The following CRLF2 variants were observed in gnomAD, a reference collection of about 807,000 sequenced individuals.
CRLF2 encodes cytokine receptor like factor 2, also known as cytokine receptor-like factor 2.
Under a neutral mutation model 38.7 loss-of-function variants are expected in CRLF2, and 41 were observed. That is an observed-to-expected ratio of 1.06 (90% confidence interval 0.83 to 1.37). The LOEUF (loss-of-function observed/expected upper bound fraction) is 1.37. CRLF2 is among the 40% of genes most tolerant of loss of function. The probability of loss-of-function intolerance (pLI) is 0.00; values close to 1 mark genes in which losing one functional copy is unlikely to be tolerated. For missense variants in CRLF2, 377 were observed against 322.2 expected, an observed-to-expected ratio of 1.17 and a Z score of -1.30; for synonymous variants, 140 against 128.8, an observed-to-expected ratio of 1.09 and a Z score of -0.59.
chrX:1,200,795 A>T (rs2086591886), intron 4 of CRLF2, among the ~76,000 whole-genome samples: 2 of 151,980 alleles, frequency 1.3e-5, no homozygotes, highest in Admixed American at 1.3e-4. Context: ...ATGTGTGTAT[A>T]TGCATGTGTA....
chrX:1,192,171 C>G (rs1216479838), intron 7 of CRLF2, among the ~76,000 whole-genome samples: 9,275 of 139,448 alleles, frequency 0.067, 386 homozygotes, highest in Middle Eastern at 0.22. Context: ...CGCCACTGCA[C>G]TCCAGCCTGG....
At chrX:1,203,022 G>A (rs1222041796) in intron 3 of CRLF2, among the ~76,000 whole-genome samples, 2 of 146,158 alleles carry the variant, frequency 1.4e-5, no homozygotes, top group South Asian at 2.2e-4. Context: ...CGCTTGAACC[G>A]GGGAGGCGGA....
At position 1,194,369 on chromosome X, in the gene CRLF2, G is replaced by A. The variant is rs1418603922; in HGVS notation, c.768-1067C>T. Among the ~76,000 whole-genome samples, 95 of 152,232 alleles carry A rather than the reference G, an allele frequency of 6.2e-4. 1 individual carries two copies. The highest frequency in any genetic ancestry group is 1.2e-3 in the Non-Finnish European group (83 of 68,018). The stretch of plus-strand genomic sequence containing the variant: ...CCCAGCTGCTTGGGAGGCTAAGGCA[G>A]GAGAATCGCTTGAGCCTGGGAGGTG... On this transcript the variant is annotated intron_variant, in intron 6 of 7. Coordinates refer to ENST00000400841, the MANE Select transcript of CRLF2 (RefSeq NM_022148.4).
intron 1 of CRLF2, among the ~76,000 whole-genome samples, chrX:1,210,272 A>G (rs1341964740): frequency 1.3e-5 from 2 of 152,092 alleles, no homozygotes; most frequent in African/African-American, 4.8e-5. Flanking sequence ...ATATTTTAGA[A>G]TTGAGCAAAC....
chrX:1,194,886 G>T (rs1281143900), intron 6 of CRLF2, among the ~76,000 whole-genome samples: 1 of 151,946 alleles, frequency 6.6e-6, no homozygotes, highest in Non-Finnish European at 1.5e-5. Flanking sequence ...ACAAAAATTA[G>T]CCAGGTGTGG....
rs1421018420 is a variant in CRLF2, at chrX:1,190,870, A to C, written c.*27T>G. 5.0e-6 allele frequency: 2 copies of C among 398,632 alleles called. No homozygotes were observed. Among genetic ancestry groups the C allele is most frequent in the East Asian group, 7.1e-5 (2 of 28,072 alleles). 24.7% of individuals were successfully genotyped at this position (398,632 alleles called of 1,614,324 possible). On this transcript the variant is annotated 3_prime_UTR_variant, in exon 8 of 8. Coordinates refer to ENST00000400841, the MANE Select transcript of CRLF2 (RefSeq NM_022148.4). Reference sequence around the variant, plus strand: ...TCTTTAAATGTCAACGTGGATCCTGACGTTGACTTTGACAGTGGTGTGTCC... The same window carrying C: ...TCTTTAAATGTCAACGTGGATCCTGCCGTTGACTTTGACAGTGGTGTGTCC...
Position 1,206,557 on chromosome X carries a change from A to G in CRLF2, c.225T>C (p.Leu75=). 4 of 1,613,596 alleles carry G rather than the reference A, an allele frequency of 2.5e-6. No homozygotes were observed. The highest frequency in any genetic ancestry group is 3.4e-6 in the Non-Finnish European group (4 of 1,179,610). The change falls in exon 3 of 8, where the codon CTT becomes CTC. Residue 75 remains leucine (L), a synonymous_variant. Transcript: ENST00000400841. The part of the protein sequence containing the change: ...DEAYDQCTNY[L]LQEGHTSGCL... ...ACCCCGAAGTGTGACCTTCCTGGAG[A>G]AGGTAGTTGGTGCACTGGTCATAGG...
intron 3 of CRLF2, among the ~76,000 whole-genome samples, chrX:1,205,057 C>T (rs2086668359): frequency 1.3e-5 from 2 of 152,118 alleles, no homozygotes; most frequent in African/African-American, 2.4e-5. Context: ...GAACTCCAGA[C>T]CTCAAGTGAT....
At chrX:1,192,971 G>T (rs1197639075) in intron 7 of CRLF2, among the ~76,000 whole-genome samples, 1 of 151,246 alleles carries the variant, frequency 6.6e-6, no homozygotes, top group East Asian at 2.0e-4. Context: ...GAGCCAGCAC[G>T]CCCGGCTAAT....
At position 1,211,553 on chromosome X, in the gene CRLF2, GTGGA is replaced by G. The variant is rs1256981884; in HGVS notation, c.79+999_79+1002del. ...GATGGATGTATTGGTGGATGGATGG[GTGGA>G]TGGATGGATGGATGGATAAGTGGAT... On this transcript the variant is annotated intron_variant, in intron 1 of 7. Coordinates refer to ENST00000400841, the MANE Select transcript of CRLF2 (RefSeq NM_022148.4). 1.8e-4 allele frequency among the ~76,000 whole-genome samples: 8 copies of G among 45,574 alleles called. 1 individual carries two copies. The highest frequency in any genetic ancestry group is 2.9e-4 in the African/African-American group (2 of 6,858). The allele number at this position is 45,574 out of a possible 152,430, so 29.9% of individuals were successfully genotyped here. A position where few individuals can be genotyped will look rare whatever the true frequency, so the allele number is the denominator to read the frequency against.
chrX:1,192,674 T>G (rs1259989238), intron 7 of CRLF2, among the ~76,000 whole-genome samples: 1 of 151,502 alleles, frequency 6.6e-6, no homozygotes, highest in African/African-American at 2.4e-5. Flanking sequence ...TTTTTCTTTC[T>G]CTTTCTTTTT....
intron 6 of CRLF2, among the ~76,000 whole-genome samples, chrX:1,194,176 G>C (rs1194177944): frequency 6.6e-6 from 1 of 152,048 alleles, no homozygotes; most frequent in Non-Finnish European, 1.5e-5. Context: ...TGTAGTCCCA[G>C]CTACTTGGGA....
At chrX:1,197,255 GC>G (rs1401295536) in intron 5 of CRLF2, among the ~76,000 whole-genome samples, 1 of 150,722 alleles carries the variant, frequency 6.6e-6, no homozygotes, top group African/African-American at 2.4e-5. Context: ...ACCACACCGG[GC>G]TAATTTTTGT....
chrX:1,193,143 CAG>C (rs1402188283), intron 7 of CRLF2, 73 bp downstream of exon 7: 2 of 397,628 alleles, frequency 5.0e-6, no homozygotes, highest in Non-Finnish European at 4.4e-6. Context: ...AGGTCGCGCT[CAG>C]AGAGATAGGA....
Position 1,191,020 on chromosome X carries a change from G to A in CRLF2, c.993C>T (p.Thr331=), listed in dbSNP as rs1283168447. The change falls in exon 8 of 8, where the codon ACC becomes ACT. Residue 331 remains threonine (T), a synonymous_variant. Transcript: ENST00000400841. ...ATCCCCCAGAGGCCTCTTTCTCCTCGGTCTGTGGGTCCAGCATCCTGGGAG... is the reference window on the plus strand; with the variant it reads ...ATCCCCCAGAGGCCTCTTTCTCCTCAGTCTGTGGGTCCAGCATCCTGGGAG... The part of the protein sequence containing the change: ...AESPRMLDPQ[T]EEKEASGGSL... 9 of 398,516 alleles carry A rather than the reference G, an allele frequency of 2.3e-5. No homozygotes were observed. The highest frequency in any genetic ancestry group is 3.5e-5 in the Non-Finnish European group (8 of 226,120). 24.7% of individuals were successfully genotyped at this position (398,516 alleles called of 1,614,324 possible).
chrX:1,192,205 A>G (rs2086395701), intron 7 of CRLF2, among the ~76,000 whole-genome samples: 1 of 45,480 alleles, frequency 2.2e-5, no homozygotes, highest in Non-Finnish European at 4.6e-5. Context: ...ACTCCGTCTC[A>G]AAAAAAAAAA....
At chrX:1,209,357 A>G (rs1158373743) in intron 1 of CRLF2, among the ~76,000 whole-genome samples, 9 of 137,372 alleles carry the variant, frequency 6.6e-5, no homozygotes, top group Non-Finnish European at 1.5e-4. Flanking sequence ...TGTGAGACAG[A>G]CTCTCACTCT....
chrX:1,198,507 G>GCC, intron 5 of CRLF2, 55 bp downstream of exon 5: 1 of 1,531,000 alleles, frequency 6.5e-7, no homozygotes, highest in Non-Finnish European at 8.9e-7. Flanking sequence ...CAGTGGCTAT[G>GCC]CCTACTCCAG....
chrX:1,208,596 T>C (rs2086732722), intron 2 of CRLF2, among the ~76,000 whole-genome samples: 1 of 152,162 alleles, frequency 6.6e-6, no homozygotes, highest in South Asian at 2.1e-4. Flanking sequence ...TAGTTGATTT[T>C]GACAGTGAGT....
Sources: allele counts gnomAD v4.1 joint callset (sites outside exome capture counted in the v4.1 genomes callset), GRCh38; gene constraint gnomAD v4.1.1; transcripts MANE v1.5; gene names NCBI Gene and HGNC (gene_info 2026-07-23, HGNC 2026-07-21).